Variants in PALD1 observed in about 807,000 individuals in gnomAD.
The protein encoded by PALD1 is phosphatase domain containing paladin 1.
In PALD1, 57 loss-of-function variants were observed where a neutral mutation model predicts 96.0. The ratio of observed to expected loss-of-function variants is 0.59; its 90% CI spans 0.48 to 0.74. The LOEUF is 0.74. Among genes scored for constraint, PALD1 ranks in the 30% least tolerant of loss-of-function variants. PALD1 has a pLI of 0.00. For missense variants in PALD1, 1,063 were observed against 1,143.7 expected, an observed-to-expected ratio of 0.93 and a Z score of 1.02; for synonymous variants, 464 against 473.6, an observed-to-expected ratio of 0.98 and a Z score of 0.26.
intron 18 of PALD1, among the ~76,000 whole-genome samples, chr10:70,550,178 G>T (rs1419876976): frequency 2.0e-5 from 3 of 152,238 alleles, no homozygotes; most frequent in African/African-American, 4.8e-5. Flanking sequence ...AAACCATGCT[G>T]TGGCAGAGCT....
At chr10:70,474,825 C>T (rs903207411), upstream of PALD1, among the ~76,000 whole-genome samples, 1 of 152,132 alleles carries the variant, frequency 6.6e-6, no homozygotes, top group Non-Finnish European at 1.5e-5. Context: ...GTATCCTGCG[C>T]CAGATGGGGA....
At chr10:70,563,960 G>A (rs74141910) in intron 18 of PALD1, among the ~76,000 whole-genome samples, 9,048 of 152,256 alleles carry the variant, frequency 0.059, 755 homozygotes, top group African/African-American at 0.19. Flanking sequence ...TTGGAGGATT[G>A]GGGGTTGGCA....
chr10:70,557,569 C>T (rs1847636009), intron 18 of PALD1, among the ~76,000 whole-genome samples: 1 of 152,128 alleles, frequency 6.6e-6, no homozygotes, highest in African/African-American at 2.4e-5. Context: ...TTTGTCCTTC[C>T]AGGGGTTAGG....
chr10:70,504,867 A>G (rs1846356083), intron 1 of PALD1, among the ~76,000 whole-genome samples: 1 of 151,806 alleles, frequency 6.6e-6, no homozygotes, highest in Admixed American at 6.6e-5. Flanking sequence ...GATCCTATGT[A>G]AAAATTTGAC....
chr10:70,462,209 A>T, the PALD1 span, among the ~76,000 whole-genome samples: 3 of 152,346 alleles, frequency 2.0e-5, no homozygotes, highest in South Asian at 6.2e-4. Flanking sequence ...AAAACAAATG[A>T]CTAGTAGGGA....
chr10:70,538,450 A>G (rs1194310923), intron 12 of PALD1, 42 bp downstream of exon 12: 1 of 1,591,738 alleles, frequency 6.3e-7, no homozygotes, highest in African/African-American at 1.3e-5. Context: ...ATGGCTGTGT[A>G]CTGGCCCTGG....
the PALD1 span, among the ~76,000 whole-genome samples, chr10:70,459,010 C>T: frequency 6.6e-6 from 1 of 152,236 alleles, no homozygotes; most frequent in Non-Finnish European, 1.5e-5. Flanking sequence ...TACTGCTGTT[C>T]CTGGGCTCAG....
At chr10:70,543,086 T>C (rs539143566) in intron 17 of PALD1, among the ~76,000 whole-genome samples, 9 of 134,212 alleles carry the variant, frequency 6.7e-5, no homozygotes, top group Non-Finnish European at 1.4e-4. Context: ...TTTTGGATAA[T>C]AGCCATCCTG....
At chr10:70,514,519 G>T (rs1486051070) in intron 1 of PALD1, among the ~76,000 whole-genome samples, 1 of 152,122 alleles carries the variant, frequency 6.6e-6, no homozygotes, top group Non-Finnish European at 1.5e-5. Flanking sequence ...GAGGCTGAGG[G>T]GCAGAGGTCA....
At chr10:70,522,218 G>A (rs1191269521) in intron 1 of PALD1, among the ~76,000 whole-genome samples, 1 of 152,146 alleles carries the variant, frequency 6.6e-6, no homozygotes, top group African/African-American at 2.4e-5. Flanking sequence ...GGTTTCCCAA[G>A]TATTGCAAAT....
At chr10:70,482,847 G>T (rs1845956947) in intron 1 of PALD1, among the ~76,000 whole-genome samples, 1 of 152,120 alleles carries the variant, frequency 6.6e-6, no homozygotes, top group Non-Finnish European at 1.5e-5. Flanking sequence ...AGCCTCCGAG[G>T]CTGTCTGGCT....
intron 18 of PALD1, among the ~76,000 whole-genome samples, chr10:70,549,786 C>T (rs1008935207): frequency 2.6e-5 from 4 of 152,208 alleles, no homozygotes; most frequent in African/African-American, 9.6e-5. Flanking sequence ...CTGCTTGACT[C>T]TGTTGGCATT....
intron 1 of PALD1, among the ~76,000 whole-genome samples, chr10:70,493,738 T>C (rs1846138427): frequency 6.6e-6 from 1 of 152,230 alleles, no homozygotes. Flanking sequence ...GGAGGTTCAC[T>C]GGCCTCACCT....
At chr10:70,555,826 C>G (rs1266256721) in intron 18 of PALD1, among the ~76,000 whole-genome samples, 1 of 152,134 alleles carries the variant, frequency 6.6e-6, no homozygotes, top group African/African-American at 2.4e-5. Context: ...ACGGTGAAAC[C>G]GCTTCTATAC....
intron 1 of PALD1, among the ~76,000 whole-genome samples, chr10:70,495,236 C>T (rs1409175580): frequency 1.3e-5 from 2 of 152,236 alleles, no homozygotes; most frequent in Admixed American, 1.3e-4. Context: ...AAATATGTTC[C>T]TTCCCTATCT....
chr10:70,497,186 C>T (rs549015550), intron 1 of PALD1, among the ~76,000 whole-genome samples: 2 of 152,384 alleles, frequency 1.3e-5, no homozygotes, highest in South Asian at 2.1e-4. Context: ...GATGTTGGTG[C>T]TGGCCAGGCA....
At chr10:70,510,476 C>T (rs1175146747) in intron 1 of PALD1, among the ~76,000 whole-genome samples, 3 of 152,172 alleles carry the variant, frequency 2.0e-5, no homozygotes, top group African/African-American at 7.2e-5. Context: ...CCCTGGGCCC[C>T]CCTCCCTAAG....
In PALD1 at chr10:70,558,871, G is replaced by A. The variant is rs78171721; in HGVS notation, c.2263-5493G>A. Among the ~76,000 whole-genome samples the A allele has an allele frequency of 1.7e-3, 263 of 152,266 alleles. 2 individuals carry two copies. The highest frequency in any genetic ancestry group is 0.011 in the East Asian group (58 of 5,172). ...TGCAAGGAGACAGAGGCTGGCTGGG[G>A]ATTTTTTAGGACAGTGCTTGTGCTG... On this transcript the variant is annotated intron_variant, in intron 18 of 19. Coordinates refer to ENST00000263563, the MANE Select transcript of PALD1 (RefSeq NM_014431.3).
intron 17 of PALD1, among the ~76,000 whole-genome samples, chr10:70,542,045 C>T (rs796717780): frequency 4.6e-5 from 7 of 152,302 alleles, no homozygotes; most frequent in Non-Finnish European, 7.3e-5. Flanking sequence ...GTCGTGGCAA[C>T]GTCCCTCGGA....
Sources: gnomAD v4.1 joint callset for allele counts (sites outside exome capture counted in the v4.1 genomes callset) on GRCh38, gnomAD v4.1.1 for gene constraint, MANE v1.5 for transcripts, NCBI Gene and HGNC (gene_info 2026-07-23, HGNC 2026-07-21) for gene names.